NEK11: variants seen among roughly 807,000 people sequenced by gnomAD.
NEK11 encodes serine/threonine-protein kinase Nek11.
NEK11 carries 72 observed loss-of-function variants against 80.7 expected under a neutral mutation model. That is an observed-to-expected ratio of 0.89 (90% CI 0.74 to 1.08). NEK11 has a LOEUF of 1.08. Ranked by LOEUF, NEK11 falls within the 50% of genes least tolerant of loss-of-function variation. The pLI, the probability that NEK11 is intolerant of heterozygous loss-of-function variation, is 0.00. For missense variants in NEK11, 764 were observed against 763.6 expected (o/e 1.00, Z -0.01); for synonymous variants, 251 against 260.7 (o/e 0.96, Z 0.36).
intron 16 of NEK11, among the ~76,000 whole-genome samples, chr3:131,250,725 G>A (rs1415603357): frequency 6.6e-6 from 1 of 152,202 alleles, no homozygotes; most frequent in East Asian, 1.9e-4. Flanking sequence ...ATTCCAAGGG[G>A]TAAATAAATA....
chr3:131,300,728 A>T (rs886297159), intron 17 of NEK11, among the ~76,000 whole-genome samples: 1 of 151,884 alleles, frequency 6.6e-6, no homozygotes, highest in African/African-American at 2.4e-5. Context: ...GTTCTGTTCC[A>T]TTGTTCTGTG....
chr3:131,205,815 T>G (rs1401205360), intron 14 of NEK11, among the ~76,000 whole-genome samples: 1 of 152,198 alleles, frequency 6.6e-6, no homozygotes, highest in Non-Finnish European at 1.5e-5. Flanking sequence ...AGTCTTTTTC[T>G]GGGGAATTCA....
intron 5 of NEK11, among the ~76,000 whole-genome samples, chr3:131,116,153 G>A (rs572674337): frequency 1.3e-5 from 2 of 151,894 alleles, no homozygotes; most frequent in Non-Finnish European, 2.9e-5. Flanking sequence ...AGGCTCCAGT[G>A]TGTGATGTTC....
At chr3:131,050,177 A>G (rs1004013913) in intron 3 of NEK11, among the ~76,000 whole-genome samples, 5 of 152,246 alleles carry the variant, frequency 3.3e-5, no homozygotes, top group Non-Finnish European at 5.9e-5. Flanking sequence ...CTAGTGATCA[A>G]TTATTCATAA....
At chr3:131,336,807 C>T (rs7629152) in intron 17 of NEK11, among the ~76,000 whole-genome samples, 19,736 of 152,130 alleles carry the variant, frequency 0.13, 1,896 homozygotes, top group East Asian at 0.3. Context: ...GGGTGAAGGA[C>T]ATGAACAGAC....
intron 16 of NEK11, among the ~76,000 whole-genome samples, chr3:131,246,956 G>A (rs1019083728): frequency 2.6e-5 from 4 of 151,714 alleles, no homozygotes; most frequent in African/African-American, 9.7e-5. Flanking sequence ...ACTTTTTGAT[G>A]GGATTTTTTT....
intron 7 of NEK11, among the ~76,000 whole-genome samples, chr3:131,149,037 T>G (rs2089059582): frequency 1.3e-5 from 2 of 152,048 alleles, no homozygotes; most frequent in Non-Finnish European, 2.9e-5. Flanking sequence ...AATAAATTAT[T>G]GTTAACTATA....
At chr3:131,202,960 A>G (rs1409170431) in intron 14 of NEK11, among the ~76,000 whole-genome samples, 1 of 151,748 alleles carries the variant, frequency 6.6e-6, no homozygotes, top group Non-Finnish European at 1.5e-5. Context: ...GAGAAATAGG[A>G]ATACTTTTAC....
At chr3:131,298,695 G>A (rs963892194) in intron 17 of NEK11, among the ~76,000 whole-genome samples, 1 of 151,922 alleles carries the variant, frequency 6.6e-6, no homozygotes, top group African/African-American at 2.4e-5. Flanking sequence ...CCTAGGTGGT[G>A]GTGGTGGTGG....
chr3:131,170,657 G>T, intron 13 of NEK11, 116 bp from the exon 14 acceptor site: 1 of 700,682 alleles, frequency 1.4e-6, no homozygotes. Flanking sequence ...GTTTAAGGGA[G>T]AGGATTAGGT....
chr3:131,080,977 GT>G lies in NEK11; in HGVS notation c.336+390del, dbSNP rs377097423. Among the ~76,000 whole-genome samples the G allele has an allele frequency of 9.2e-3, 1,408 of 152,244 alleles. 19 individuals carry two copies. Among genetic ancestry groups the G allele is most frequent in the African/African-American group, 0.031 (1,293 of 41,540 alleles). Reference sequence around the variant, plus strand: ...TTAAAAAAATTAGCCGGGCGTGGTTGTATGAGCCTGTAGTTCCAGCTAGCGA... The same window carrying G: ...TTAAAAAAATTAGCCGGGCGTGGTTGATGAGCCTGTAGTTCCAGCTAGCGA... On this transcript the variant is annotated intron_variant, in intron 4 of 17. Coordinates refer to ENST00000383366, the MANE Select transcript of NEK11 (RefSeq NM_024800.5).
At chr3:131,277,219 A>G (rs1312242115) in intron 17 of NEK11, among the ~76,000 whole-genome samples, 3 of 152,218 alleles carry the variant, frequency 2.0e-5, no homozygotes, top group Non-Finnish European at 4.4e-5. Flanking sequence ...GTTATCACCC[A>G]TGACCAATCT....
chr3:131,286,631 T>C (rs2096473889), intron 17 of NEK11, among the ~76,000 whole-genome samples: 1 of 152,240 alleles, frequency 6.6e-6, no homozygotes, highest in African/African-American at 2.4e-5. Flanking sequence ...CAGGAAGTTT[T>C]GTTTTTATTT....
chr3:131,318,862 G>C (rs575653893), intron 17 of NEK11, among the ~76,000 whole-genome samples: 6 of 151,668 alleles, frequency 4.0e-5, no homozygotes, highest in African/African-American at 1.4e-4. Context: ...GGACATTCTG[G>C]TGATGTAATG....
chr3:131,336,318 T>C (rs938360209), intron 17 of NEK11, among the ~76,000 whole-genome samples: 1 of 152,170 alleles, frequency 6.6e-6, no homozygotes, highest in Non-Finnish European at 1.5e-5. Flanking sequence ...ACGCCGCATT[T>C]CTACAACTAT....
intron 14 of NEK11, among the ~76,000 whole-genome samples, chr3:131,211,783 G>A (rs541882018): frequency 3.3e-5 from 5 of 152,150 alleles, no homozygotes; most frequent in South Asian, 2.1e-4. Context: ...TTGTGCATGC[G>A]TCACGTAGTT....
intron 3 of NEK11, among the ~76,000 whole-genome samples, chr3:131,055,178 A>T (rs975019839): frequency 9.9e-5 from 15 of 152,204 alleles, no homozygotes; most frequent in African/African-American, 3.6e-4. Context: ...GACGCGGTTT[A>T]TATCAGCCAA....
intron 17 of NEK11, among the ~76,000 whole-genome samples, chr3:131,301,583 T>A (rs1258062285): frequency 6.6e-6 from 1 of 152,150 alleles, no homozygotes; most frequent in African/African-American, 2.4e-5. Flanking sequence ...ATTTTTAACA[T>A]GAACATATGT....
Position 131,092,167 on chromosome 3 carries a change from G to A in NEK11, c.336+11579G>A, listed in dbSNP as rs372503725. Among the ~76,000 whole-genome samples, 6 of 152,304 alleles carry A rather than the reference G, an allele frequency of 3.9e-5. No individual in the cohort carries two copies. In the East Asian group the frequency reaches 7.7e-4, roughly 20 times the overall value. On this transcript the variant is annotated intron_variant, in intron 4 of 17. Transcript: ENST00000383366. ...GCATTGATGCCACTCTGTCACCATC[G>A]TCATGGACTTTTTTGGTCTTGGTAT...
Sources: allele counts gnomAD v4.1 joint callset (sites outside exome capture counted in the v4.1 genomes callset), GRCh38; gene constraint gnomAD v4.1.1; transcripts MANE v1.5; gene names NCBI Gene and HGNC (gene_info 2026-07-23, HGNC 2026-07-21).